Variants in TRPC6 observed in about 807,000 individuals in gnomAD.
The protein encoded by TRPC6 is short transient receptor potential channel 6.
In TRPC6, 55 loss-of-function variants were observed where a neutral mutation model predicts 90.7. The ratio of observed to expected loss-of-function variants is 0.61; its 90% CI spans 0.49 to 0.76. The LOEUF is 0.76. Among genes scored for constraint, TRPC6 ranks in the 30% least tolerant of loss-of-function variants. TRPC6 has a pLI of 0.00. For missense variants in TRPC6, 989 were observed against 1,122.7 expected (o/e 0.88, Z 1.70); for synonymous variants, 393 against 393.0 (o/e 1.00, Z 0.00).
chr11:101,543,190 A>C (rs898131063), intron 1 of TRPC6, among the ~76,000 whole-genome samples: 1 of 152,166 alleles, frequency 6.6e-6, no homozygotes, highest in Admixed American at 6.5e-5. Context: ...GAGCTAATAA[A>C]GAAAGACTGA....
intron 1 of TRPC6, among the ~76,000 whole-genome samples, chr11:101,579,360 G>T (rs73580380): frequency 0.029 from 4,331 of 151,344 alleles, 115 homozygotes; most frequent in African/African-American, 0.068. Context: ...TTTTTCATGT[G>T]GTTGTATTAT....
At chr11:101,470,532 C>T (rs1591065833) in intron 9 of TRPC6, among the ~76,000 whole-genome samples, 1 of 152,120 alleles carries the variant, frequency 6.6e-6, no homozygotes, top group Admixed American at 6.6e-5. Flanking sequence ...AGCATAAGCC[C>T]TCACCTTCCA....
intron 1 of TRPC6, among the ~76,000 whole-genome samples, chr11:101,507,836 T>A (rs139235248): frequency 0.015 from 2,352 of 152,224 alleles, 65 homozygotes; most frequent in African/African-American, 0.054. Flanking sequence ...GTCCTTTTCT[T>A]AGAAATAGTC....
chr11:101,539,305 G>A (rs1441303548), intron 1 of TRPC6, among the ~76,000 whole-genome samples: 2 of 152,188 alleles, frequency 1.3e-5, no homozygotes, highest in Admixed American at 6.5e-5. Flanking sequence ...TTGACCATAA[G>A]CCTTGTGCAC....
intron 1 of TRPC6, among the ~76,000 whole-genome samples, chr11:101,520,402 T>C (rs1860629112): frequency 1.3e-5 from 2 of 152,182 alleles, no homozygotes; most frequent in African/African-American, 4.8e-5. Flanking sequence ...CAGGTAGTTC[T>C]TTAGAGCAAT....
rs532394753 is a variant in TRPC6 at position 101,464,069 on chromosome 11, T to G, written c.2484+5358A>C. On this transcript the variant is annotated intron_variant, in intron 10 of 12. Coordinates refer to ENST00000344327, the MANE Select transcript of TRPC6 (RefSeq NM_004621.6). ...TGCCTTCATTTCATTGTTTACCCAG[T>G]AGTCATTCAGGAGCAGGTTGTTCAG... Among the ~76,000 whole-genome samples, 192 of 152,346 alleles carry G rather than the reference T, an allele frequency of 1.3e-3. 2 individuals carry two copies. The South Asian group carries it at 0.039, about 31-fold the overall frequency.
intron 11 of TRPC6, among the ~76,000 whole-genome samples, chr11:101,454,115 G>A (rs10444351): frequency 0.31 from 46,966 of 151,958 alleles, 9,380 homozygotes; most frequent in African/African-American, 0.57. Context: ...TAAGCCCCAC[G>A]TCTGACCCAC....
chr11:101,583,543 G>T lies in TRPC6; in HGVS notation c.-40C>A, dbSNP rs1028298149. On this transcript the variant is annotated 5_prime_UTR_variant, in exon 1 of 13. Transcript: ENST00000344327. ...ACTGGCCTGGGCCCCGCTCCCGGGG[G>T]AGCCGAGTGGGCAGTTCCAGCGGGG... 2.8e-6 allele frequency: 4 copies of T among 1,416,250 alleles called. No individual in the cohort carries two copies. The highest frequency in any genetic ancestry group is 3.0e-5 in the African/African-American group (2 of 66,432). The allele number at this position is 1,416,250 out of a possible 1,614,324, so 87.7% of individuals were successfully genotyped here.
intron 1 of TRPC6, among the ~76,000 whole-genome samples, chr11:101,554,979 T>C (rs1861528618): frequency 6.6e-6 from 1 of 152,210 alleles, no homozygotes; most frequent in South Asian, 2.1e-4. Flanking sequence ...ACTCCATGGG[T>C]TAAAGTTGTT....
intron 1 of TRPC6, among the ~76,000 whole-genome samples, chr11:101,539,421 G>T (rs1474595742): frequency 6.6e-6 from 1 of 152,176 alleles, no homozygotes; most frequent in Non-Finnish European, 1.5e-5. Context: ...CCTGTTCTCA[G>T]TTTCTCAGAC....
At chr11:101,565,520 A>G (rs1270516158) in intron 1 of TRPC6, among the ~76,000 whole-genome samples, 1 of 152,066 alleles carries the variant, frequency 6.6e-6, no homozygotes, top group Non-Finnish European at 1.5e-5. Context: ...TGTAATTCCA[A>G]TATAAAATTT....
intron 5 of TRPC6, among the ~76,000 whole-genome samples, chr11:101,482,337 A>C (rs1181895116): frequency 6.6e-6 from 1 of 152,190 alleles, no homozygotes; most frequent in Non-Finnish European, 1.5e-5. Context: ...GGCAAGCTAC[A>C]TGTATGATTG....
intron 1 of TRPC6, among the ~76,000 whole-genome samples, chr11:101,537,426 T>C (rs917695323): frequency 6.6e-6 from 1 of 152,174 alleles, no homozygotes; most frequent in African/African-American, 2.4e-5. Context: ...TTACACCATA[T>C]TCTGTCTGAA....
Position 101,504,786 on chromosome 11 carries a change from G to A in TRPC6, c.183C>T (p.Asp61=). 1.2e-6 allele frequency: 2 copies of A among 1,611,758 alleles called. No individual in the cohort carries two copies. The highest frequency in any genetic ancestry group is 1.7e-6 in the Non-Finnish European group (2 of 1,179,014). ...TCTGCCGCCGGTGAGCCAGTCTGTT[G>A]TCAGATCCCCGGCTGCAATAAAACA... ...YGYYPCFRGS[D]NRLAHRRQTV... is the part of the protein sequence containing the mutation. The change falls in exon 2 of 13, where the codon GAC becomes GAT. Residue 61 remains aspartate, a synonymous_variant. Transcript: ENST00000344327.
At chr11:101,456,010 G>A (rs1436855047) in intron 10 of TRPC6, among the ~76,000 whole-genome samples, 1 of 151,956 alleles carries the variant, frequency 6.6e-6, no homozygotes, top group Non-Finnish European at 1.5e-5. Context: ...ATATAAATTT[G>A]AAAATAGCAT....
At chr11:101,457,445 G>A (rs991725588) in intron 10 of TRPC6, among the ~76,000 whole-genome samples, 1 of 152,166 alleles carries the variant, frequency 6.6e-6, no homozygotes, top group Non-Finnish European at 1.5e-5. Context: ...AAAAGAACAA[G>A]TAATTTTAAG....
chr11:101,493,458 T>C (rs1043709379), intron 2 of TRPC6, among the ~76,000 whole-genome samples: 4 of 152,210 alleles, frequency 2.6e-5, no homozygotes, highest in African/African-American at 9.7e-5. Context: ...GGTTGAATTA[T>C]GTGTCCAAAA....
At chr11:101,524,657 T>C (rs1409106587) in intron 1 of TRPC6, among the ~76,000 whole-genome samples, 1 of 152,246 alleles carries the variant, frequency 6.6e-6, no homozygotes, top group Non-Finnish European at 1.5e-5. Flanking sequence ...GTTTTTTCCA[T>C]GTCAATATTC....
rs199630143 is a variant in TRPC6 at position 101,453,030 on chromosome 11, T to G, written c.2721A>C (p.Glu907Asp). Residue 907 changes from glutamate (E) to aspartate (D), a missense_variant, in exon 13 of 13, where the codon GAA becomes GAC. Glu to Asp is a conservative substitution (Grantham distance 45, BLOSUM62 2). Around this residue, in one of 4 missense-constraint regions of TRPC6, gnomAD observed 191 missense variants for 196.7 expected, o/e 0.97. Coordinates refer to ENST00000344327, the MANE Select transcript of TRPC6 (RefSeq NM_004621.6). Reference sequence around the variant, plus strand: ...GTTCTCTAATAAGTTCTGCTAGGTCTTCTGTATTCTGAGATTTTTCTTCAA... The same window carrying G: ...GTTCTCTAATAAGTTCTGCTAGGTCGTCTGTATTCTGAGATTTTTCTTCAA... The part of the protein sequence containing the change: ...ELLEEKSQNT[E>D]DLAELIRELG... 1 of 1,613,940 alleles carries G rather than the reference T, an allele frequency of 6.2e-7. No individual in the cohort carries two copies. Among genetic ancestry groups the G allele is most frequent in the Non-Finnish European group, 8.5e-7 (1 of 1,179,858 alleles).
Sources: gnomAD v4.1 joint callset for allele counts (sites outside exome capture counted in the v4.1 genomes callset) on GRCh38, gnomAD v4.1.1 for gene constraint, gnomAD v4.1.1 regional missense constraint, MANE v1.5 for transcripts, NCBI Gene and HGNC (gene_info 2026-07-23, HGNC 2026-07-21) for gene names.